NFIA: variants seen among roughly 807,000 people sequenced by gnomAD.
The protein encoded by NFIA is nuclear factor I A.
NFIA carries 8 observed loss-of-function variants against 62.8 expected under a neutral mutation model. That is an observed-to-expected ratio of 0.13 (90% CI 0.07 to 0.23). The LOEUF is 0.23. NFIA is among the 10% of genes least tolerant of loss of function. NFIA has a pLI of 1.00. For missense variants in NFIA, 410 were observed against 642.1 expected, an observed-to-expected ratio of 0.64 and a Z score of 3.91; for synonymous variants, 235 against 238.1, an observed-to-expected ratio of 0.99 and a Z score of 0.12.
At chr1:61,423,114 T>TAG (rs1033341986) in intron 9 of NFIA, among the ~76,000 whole-genome samples, 3 of 151,726 alleles carry the variant, frequency 2.0e-5, no homozygotes, top group Non-Finnish European at 4.4e-5. Flanking sequence ...AGAAATACAT[T>TAG]AGAGAGAGAG....
intron 3 of NFIA, among the ~76,000 whole-genome samples, chr1:61,306,266 G>GCTCTTTTT (rs1659783618): frequency 2.2e-5 from 1 of 45,378 alleles, no homozygotes; most frequent in Non-Finnish European, 4.0e-5. Flanking sequence ...CCCAGATTTT[G>GCTCTTTTT]TTCTTTTTTT....
At chr1:61,144,930 G>C (rs79919847) in intron 2 of NFIA, among the ~76,000 whole-genome samples, 4 of 132,386 alleles carry the variant, frequency 3.0e-5, no homozygotes, top group African/African-American at 5.5e-5. Context: ...ACCTGACACA[G>C]AGTCCTCTTG....
At chr1:61,264,944 G>T (rs1223153657) in intron 2 of NFIA, among the ~76,000 whole-genome samples, 1 of 152,142 alleles carries the variant, frequency 6.6e-6, no homozygotes, top group Non-Finnish European at 1.5e-5. Flanking sequence ...GGTTTGAGTG[G>T]GTGGGACCCC....
chr1:61,200,558 C>T (rs1295036801), intron 2 of NFIA, among the ~76,000 whole-genome samples: 1 of 152,136 alleles, frequency 6.6e-6, no homozygotes, highest in East Asian at 1.9e-4. Context: ...GATGGAGCTT[C>T]TGCTATAAAA....
intron 3 of NFIA, among the ~76,000 whole-genome samples, chr1:61,313,307 A>G (rs1306691284): frequency 6.6e-6 from 1 of 152,190 alleles, no homozygotes; most frequent in East Asian, 1.9e-4. Context: ...CTGTGCAGGG[A>G]GCATGCTGCA....
At chr1:61,452,686 TTTAACG>T in intron 10 of NFIA, among the ~76,000 whole-genome samples, 1 of 152,284 alleles carries the variant, frequency 6.6e-6, no homozygotes, top group East Asian at 1.9e-4. Context: ...GTTTGAAAGC[TTTAACG>T]TTAGACAAAA....
At chr1:61,154,961 A>G (rs1474519092) in intron 2 of NFIA, among the ~76,000 whole-genome samples, 1 of 152,224 alleles carries the variant, frequency 6.6e-6, no homozygotes, top group Non-Finnish European at 1.5e-5. Context: ...CTAAAAGCTT[A>G]GGCTCTGGGG....
chr1:61,380,523 A>G (rs1390785592), intron 6 of NFIA, among the ~76,000 whole-genome samples: 1 of 152,204 alleles, frequency 6.6e-6, no homozygotes, highest in South Asian at 2.1e-4. Flanking sequence ...AATAAAAGCC[A>G]ACATTAATGT....
chr1:61,164,255 A>G (rs1338139147), intron 2 of NFIA, among the ~76,000 whole-genome samples: 1 of 152,040 alleles, frequency 6.6e-6, no homozygotes, highest in Non-Finnish European at 1.5e-5. Flanking sequence ...TGGTTGCCAT[A>G]TGTATGTTGA....
intron 6 of NFIA, among the ~76,000 whole-genome samples, chr1:61,379,471 G>T (rs551318339): frequency 8.3e-4 from 111 of 133,108 alleles, no homozygotes; most frequent in African/African-American, 3.0e-3. Context: ...GCAGTAGCAT[G>T]ATCTGGGCTG....
intron 4 of NFIA, among the ~76,000 whole-genome samples, chr1:61,344,064 C>G (rs6686618): frequency 0.041 from 6,202 of 151,976 alleles, 422 homozygotes; most frequent in African/African-American, 0.14. Context: ...TATTTTTTTT[C>G]TTTCTAAAAG....
At chr1:61,381,496 A>G (rs981465765) in intron 6 of NFIA, among the ~76,000 whole-genome samples, 3 of 152,188 alleles carry the variant, frequency 2.0e-5, no homozygotes, top group East Asian at 3.8e-4. Context: ...TTTTAATTCA[A>G]ATCACATGGA....
intron 7 of NFIA, among the ~76,000 whole-genome samples, chr1:61,395,106 C>G (rs1476138209): frequency 6.7e-6 from 1 of 149,892 alleles, no homozygotes; most frequent in Non-Finnish European, 1.5e-5. Flanking sequence ...AACCCTGTCT[C>G]AGAGAGAGAG....
rs10719480 is a variant in NFIA at position 61,432,219 on chromosome 1, A to ATT, written c.1512+5679_1512+5680dup. ...ATATGGTTCTTGTACACTTTTCCCT[A>ATT]TTTTTTTTTTTTTTTTTGCCAATCA... On this transcript the variant is annotated intron_variant, in intron 10 of 10. Transcript: ENST00000403491. 4.7e-3 allele frequency among the ~76,000 whole-genome samples: 600 copies of ATT among 129,032 alleles called. 15 individuals carry two copies. The highest frequency in any genetic ancestry group is 0.041 in the East Asian group (177 of 4,366). 84.7% of individuals were successfully genotyped at this position (129,032 alleles called of 152,430 possible).
chr1:61,451,029 CA>C (rs1668032827), intron 10 of NFIA, among the ~76,000 whole-genome samples: 1 of 152,182 alleles, frequency 6.6e-6, no homozygotes, highest in African/African-American at 2.4e-5. Context: ...TCAGCAGCCC[CA>C]TGACCACATT....
rs1034812582 is a variant in NFIA at position 61,321,462 on chromosome 1, A to C, written c.626-11050A>C. Among the ~76,000 whole-genome samples, 32 of 152,054 alleles carry C rather than the reference A, an allele frequency of 2.1e-4. 1 individual carries two copies. Among genetic ancestry groups the C allele is most frequent in the Non-Finnish European group, 8.8e-5 (6 of 67,976 alleles). ...AGGAAGGGAAGGAAGGAAGGAAGGA[A>C]GGACGGAAGGATATTTAGCCTGGAA... On this transcript the variant is annotated intron_variant, in intron 3 of 10. Transcript: ENST00000403491.
At chr1:61,448,862 A>C (rs1248413473) in intron 10 of NFIA, among the ~76,000 whole-genome samples, 2 of 152,216 alleles carry the variant, frequency 1.3e-5, no homozygotes, top group Admixed American at 6.5e-5. Context: ...ACACTAGGGC[A>C]AGCTGGAATC....
intron 3 of NFIA, among the ~76,000 whole-genome samples, chr1:61,308,620 G>A (rs562284287): frequency 1.3e-5 from 2 of 152,236 alleles, no homozygotes; most frequent in African/African-American, 4.8e-5. Context: ...AGATGGGCTT[G>A]GAAATCATTT....
intron 9 of NFIA, among the ~76,000 whole-genome samples, chr1:61,422,177 C>G (rs941389766): frequency 1.3e-5 from 2 of 152,172 alleles, no homozygotes; most frequent in African/African-American, 4.8e-5. Context: ...ATACAAGAAT[C>G]ATTTGAGCTC....
Sources: gnomAD v4.1 joint callset for allele counts (sites outside exome capture counted in the v4.1 genomes callset) on GRCh38, gnomAD v4.1.1 for gene constraint, MANE v1.5 for transcripts, NCBI Gene and HGNC (gene_info 2026-07-23, HGNC 2026-07-21) for gene names.